HDAC9: variants seen among roughly 807,000 people sequenced by gnomAD.
The protein encoded by HDAC9 is histone deacetylase 9.
A neutral mutation model predicts 139.4 loss-of-function variants in HDAC9; 41 were observed. The ratio of observed to expected loss-of-function variants is 0.29; its 90% CI spans 0.23 to 0.38. The LOEUF (loss-of-function observed/expected upper bound fraction) is 0.38. HDAC9 is among the 10% of genes least tolerant of loss of function. The pLI, the probability that HDAC9 is intolerant of heterozygous loss-of-function variation, is 1.00. For missense variants in HDAC9, 1,147 were observed against 1,297.0 expected (o/e 0.88, Z 1.78); for synonymous variants, 517 against 476.2 (o/e 1.09, Z -1.12).
chr7:18,787,185 A>G (rs3854290), intron 16 of HDAC9, among the ~76,000 whole-genome samples: 112,299 of 151,950 alleles, frequency 0.74, 42,676 homozygotes, highest in Non-Finnish European at 0.83. Flanking sequence ...GAGATTCTGT[A>G]CTACTTCAGA....
At chr7:18,620,300 TATAAA>T (rs1370216310) in intron 6 of HDAC9, among the ~76,000 whole-genome samples, 1 of 152,162 alleles carries the variant, frequency 6.6e-6, no homozygotes, top group Non-Finnish European at 1.5e-5. Context: ...TAATTTTAAC[TATAAA>T]ATAATTAGAA....
At chr7:18,492,312 A>T (rs1372917386), upstream of HDAC9, among the ~76,000 whole-genome samples, 1 of 151,988 alleles carries the variant, frequency 6.6e-6, no homozygotes, top group Non-Finnish European at 1.5e-5. Flanking sequence ...TCCATTTTAG[A>T]AAAGGTCATT....
chr7:18,186,606 G>A (rs1342014696), intron 2 of HDAC9, among the ~76,000 whole-genome samples: 6 of 152,232 alleles, frequency 3.9e-5, no homozygotes, highest in African/African-American at 1.2e-4. Flanking sequence ...AATGTCAGGA[G>A]TGGGAAGCCA....
intron 21 of HDAC9, among the ~76,000 whole-genome samples, chr7:18,844,127 T>C (rs146550989): frequency 3.3e-4 from 50 of 152,354 alleles, no homozygotes; most frequent in African/African-American, 1.1e-3. Flanking sequence ...AAATTTAAAC[T>C]TTTCTGGCAC....
chr7:18,754,408 C>A (rs1391242782), intron 14 of HDAC9, among the ~76,000 whole-genome samples: 1 of 152,046 alleles, frequency 6.6e-6, no homozygotes, highest in Non-Finnish European at 1.5e-5. Flanking sequence ...GTTAGAAATG[C>A]ACTTGCAGTT....
intron 1 of HDAC9, among the ~76,000 whole-genome samples, chr7:18,310,939 A>G (rs979871101): frequency 5.3e-5 from 8 of 151,854 alleles, no homozygotes; most frequent in African/African-American, 1.7e-4. Context: ...TCAAATTTCT[A>G]TTTCTAAAAA....
intron 2 of HDAC9, among the ~76,000 whole-genome samples, chr7:18,192,844 A>G (rs1790449922): frequency 6.6e-6 from 1 of 152,200 alleles, no homozygotes; most frequent in African/African-American, 2.4e-5. Context: ...ATGTTTCTAT[A>G]TATATGTGCA....
intron 8 of HDAC9, 134 bp from the exon 9 acceptor site, chr7:18,644,537 G>T: frequency 1.7e-6 from 1 of 589,670 alleles, no homozygotes; most frequent in Non-Finnish European, 2.6e-6. Context: ...TATAACTTTT[G>T]GATATAGAAG....
intron 6 of HDAC9, among the ~76,000 whole-genome samples, chr7:18,625,106 A>G (rs1188948587): frequency 6.6e-6 from 1 of 152,134 alleles, no homozygotes; most frequent in Non-Finnish European, 1.5e-5. Context: ...GCCTTTTTGC[A>G]TAACTCCACC....
chr7:18,606,079 G>T (rs182023474), intron 6 of HDAC9, among the ~76,000 whole-genome samples: 127 of 152,212 alleles, frequency 8.3e-4, no homozygotes, highest in African/African-American at 2.9e-3. Context: ...ATATTTCTTC[G>T]TTACTGACTC....
At chr7:18,901,605 A>C (rs918281343) in intron 22 of HDAC9, among the ~76,000 whole-genome samples, 1 of 152,172 alleles carries the variant, frequency 6.6e-6, no homozygotes, top group Non-Finnish European at 1.5e-5. Flanking sequence ...AATTAACCAC[A>C]TAATTGCTAG....
intron 2 of HDAC9, chr7:18,509,194 G>A (rs1800686641): frequency 2.3e-6 from 2 of 854,368 alleles, no homozygotes; most frequent in African/African-American, 1.8e-5. Context: ...GCCTCATGGG[G>A]TTTTCCCTCA....
At chr7:18,714,080 ATTTC>A (rs1007802092) in intron 12 of HDAC9, among the ~76,000 whole-genome samples, 9 of 152,296 alleles carry the variant, frequency 5.9e-5, no homozygotes, top group African/African-American at 2.2e-4. Flanking sequence ...ATACACTGTC[ATTTC>A]TTTATTTTAT....
chr7:18,967,506 C>A lies in HDAC9; in HGVS notation c.3023-8300C>A, dbSNP rs866357037. 8.2e-3 allele frequency among the ~76,000 whole-genome samples: 974 copies of A among 119,236 alleles called. 35 individuals are homozygous for A. Among genetic ancestry groups the A allele is most frequent in the Admixed American group, 0.014 (173 of 12,312 alleles). 78.2% of individuals were successfully genotyped at this position (119,236 alleles called of 152,430 possible). A position where few individuals can be genotyped will look rare whatever the true frequency, so the allele number is the denominator to read the frequency against. ...TTTGTAAATAAAGTTGCCCCCCCCC[C>A]AAAAAAAAAAAAGCAGGGTGTTATT... On this transcript the variant is annotated intron_variant, in intron 24 of 25. Coordinates refer to ENST00000686413, the MANE Select transcript of HDAC9 (RefSeq NM_178425.4).
chr7:18,227,341 G>C lies in HDAC9; in HGVS notation c.25+64992G>C, dbSNP rs185270687. On this transcript the variant is annotated intron_variant, in intron 2 of 12. Transcript: ENST00000417496. The stretch of plus-strand genomic sequence containing the variant: ...TAAAAATTCGCTGTTTCCTGCCACT[G>C]TTTACTACAAGATACTGTTGATATG... 1.6e-3 allele frequency among the ~76,000 whole-genome samples: 238 copies of C among 152,194 alleles called. 1 individual carries two copies. The highest frequency in any genetic ancestry group is 5.5e-3 in the African/African-American group (230 of 41,524).
chr7:18,456,455 C>T (rs1793357859), intron 1 of HDAC9, among the ~76,000 whole-genome samples: 1 of 152,058 alleles, frequency 6.6e-6, no homozygotes, highest in Non-Finnish European at 1.5e-5. Context: ...AGGCTGATCT[C>T]GAACTCTTGA....
At chr7:18,233,183 A>C (rs1793585354) in intron 2 of HDAC9, among the ~76,000 whole-genome samples, 1 of 152,146 alleles carries the variant, frequency 6.6e-6, no homozygotes, top group African/African-American at 2.4e-5. Flanking sequence ...GATTACCTAA[A>C]CTGGGCTTTT....
chr7:18,573,138 C>T (rs529748902), intron 2 of HDAC9, among the ~76,000 whole-genome samples: 1 of 152,260 alleles, frequency 6.6e-6, no homozygotes, highest in African/African-American at 2.4e-5. Context: ...TTGCTTTTTG[C>T]ATTTTTTTCC....
rs1786675670 is a variant in HDAC9 at position 19,000,012 on chromosome 7, G to A, written c.*3950G>A. The A allele has an allele frequency of 6.6e-6, 1 of 152,120 alleles. No individual in the cohort carries two copies. Among genetic ancestry groups the A allele is most frequent in the African/African-American group, 2.4e-5 (1 of 41,418 alleles). The allele number at this position is 152,120 out of a possible 1,614,324, so 9.4% of individuals were successfully genotyped here. A position where few individuals can be genotyped will look rare whatever the true frequency, so the allele number is the denominator to read the frequency against. ...CAGGAATGAAATCACTTGTCCTGCT[G>A]AGAAAATAAGGGGAAAACAAGATAG... On this transcript the variant is annotated 3_prime_UTR_variant, in exon 26 of 26. Coordinates refer to ENST00000686413, the MANE Select transcript of HDAC9 (RefSeq NM_178425.4).
Sources: allele counts gnomAD v4.1 joint callset (sites outside exome capture counted in the v4.1 genomes callset), GRCh38; gene constraint gnomAD v4.1.1; transcripts MANE v1.5; gene names NCBI Gene and HGNC (gene_info 2026-07-23, HGNC 2026-07-21).